The following DOCK11 variants were observed in gnomAD, a reference collection of about 807,000 sequenced individuals.
The protein encoded by DOCK11 is dedicator of cytokinesis 11.
DOCK11 carries 70 observed loss-of-function variants against 169.1 expected under a neutral mutation model. The observed-to-expected ratio is 0.41, with a 90% CI of 0.34 to 0.51. The LOEUF is 0.51. Among genes scored for constraint, DOCK11 ranks in the 20% least tolerant of loss-of-function variants. The pLI is 0.10. For synonymous variants in DOCK11, 529 were observed against 541.3 expected, an observed-to-expected ratio of 0.98 and a Z score of 0.32; for missense variants, 1,166 against 1,538.8, an observed-to-expected ratio of 0.76 and a Z score of 4.05.
chrX:118,685,116 T>TA (rs2016830169), intron 52 of DOCK11, among the ~76,000 whole-genome samples: 1 of 112,475 alleles, frequency 8.9e-6, no homozygotes, highest in African/African-American at 3.2e-5. Context: ...TTTATATACT[T>TA]ACTGGAATAC....
chrX:118,571,292 G>A (rs767983053), intron 10 of DOCK11, among the ~76,000 whole-genome samples: 2 of 110,615 alleles, frequency 1.8e-5, no homozygotes, highest in African/African-American at 3.3e-5. Context: ...TGTATTTCAC[G>A]ACTAAGTTCA....
At chrX:118,541,708 G>A (rs181964461) in intron 1 of DOCK11, among the ~76,000 whole-genome samples, 1 of 112,134 alleles carries the variant, frequency 8.9e-6, no homozygotes, top group East Asian at 2.8e-4. Context: ...TTAGCACAGT[G>A]CCTGGCATAT....
At chrX:118,516,158 TCTCGA>T (rs2057686317) in intron 1 of DOCK11, among the ~76,000 whole-genome samples, 1 of 91,149 alleles carries the variant, frequency 1.1e-5, no homozygotes, top group Non-Finnish European at 2.1e-5. Context: ...AGTGGCATGA[TCTCGA>T]CTCACTGCAA....
At chrX:118,667,343 C>T (rs1017945256) in intron 45 of DOCK11, among the ~76,000 whole-genome samples, 7 of 110,386 alleles carry the variant, frequency 6.3e-5, no homozygotes, top group African/African-American at 2.0e-4. Flanking sequence ...AACTTGTTTC[C>T]GAGTTTTGTT....
At chrX:118,622,354 T>A (rs2014995509) in intron 31 of DOCK11, among the ~76,000 whole-genome samples, 1 of 112,535 alleles carries the variant, frequency 8.9e-6, no homozygotes, top group African/African-American at 3.2e-5. Flanking sequence ...TACCGCATTT[T>A]AAAAAGTAGC....
At chrX:118,650,173 G>C (rs1047309146) in intron 41 of DOCK11, among the ~76,000 whole-genome samples, 2 of 111,659 alleles carry the variant, frequency 1.8e-5, no homozygotes, top group African/African-American at 3.3e-5. Flanking sequence ...GACTGAACCT[G>C]TTCCCTTATT....
chrX:118,680,227 A>G (rs1283430949), intron 48 of DOCK11, among the ~76,000 whole-genome samples: 1 of 110,458 alleles, frequency 9.1e-6, no homozygotes, highest in East Asian at 2.8e-4. Context: ...GTGCCTGGCC[A>G]ATTACAGTAA....
chrX:118,625,674 C>T (rs2015085790), intron 32 of DOCK11, among the ~76,000 whole-genome samples: 1 of 111,853 alleles, frequency 8.9e-6, no homozygotes, highest in Non-Finnish European at 1.9e-5. Context: ...TCTCTACTTC[C>T]AAGATATTAG....
intron 1 of DOCK11, among the ~76,000 whole-genome samples, chrX:118,540,194 T>G (rs1172958439): frequency 9.0e-6 from 1 of 111,462 alleles, no homozygotes; most frequent in Non-Finnish European, 1.9e-5. Context: ...TTCAACAGGT[T>G]AAAACATTGA....
chrX:118,629,661 T>G (rs1253004332), intron 34 of DOCK11, among the ~76,000 whole-genome samples: 1 of 110,143 alleles, frequency 9.1e-6, no homozygotes, highest in Non-Finnish European at 1.9e-5. Context: ...TTATTTATAG[T>G]TTTTAGAAAT....
intron 1 of DOCK11, among the ~76,000 whole-genome samples, chrX:118,498,845 A>C (rs1265233389): frequency 1.8e-5 from 2 of 111,144 alleles, no homozygotes; most frequent in African/African-American, 3.3e-5. Flanking sequence ...TGTTTGAAAA[A>C]TTCAGATGGC....
intron 7 of DOCK11, among the ~76,000 whole-genome samples, chrX:118,562,165 CAA>C (rs759661279): frequency 5.3e-5 from 4 of 75,199 alleles, no homozygotes; most frequent in African/African-American, 9.7e-5. Context: ...GACTCCATCA[CAA>C]AAAAAAAAAA....
intron 40 of DOCK11, among the ~76,000 whole-genome samples, chrX:118,648,006 ATAATAT>A (rs2015808095): frequency 2.6e-5 from 1 of 37,866 alleles, no homozygotes; most frequent in Non-Finnish European, 4.2e-5. Flanking sequence ...ATATATTATT[ATAATAT>A]ATAATATAAA....
At chrX:118,633,333 T>C (rs1389440040) in intron 35 of DOCK11, 2 of 112,088 alleles carry the variant, frequency 1.8e-5, no homozygotes, top group Non-Finnish European at 3.8e-5. Flanking sequence ...TCCTCTAAAG[T>C]TTCCAGTAAA....
chrX:118,627,557 T>A lies in DOCK11; in HGVS notation c.3642T>A (p.Ser1214Arg). 2.5e-6 allele frequency: 3 copies of A among 1,209,018 alleles called. No homozygotes were observed. The highest frequency in any genetic ancestry group is 3.4e-6 in the Non-Finnish European group (3 of 893,587). ...TTACTTCACCTGCCAATAGAGGGAG[T>A]CTGAGCACTGACAAAGACACCGGTA... ...CGFTSPANRGSLSTDKDTAYG... is the reference protein window; with the variant it reads ...CGFTSPANRGRLSTDKDTAYG... The change falls in exon 33 of 53, where the codon AGT (serine) becomes AGA (arginine). Residue 1214 changes from serine to arginine, a missense_variant. Physicochemically the swap from Ser to Arg is moderately radical, Grantham distance 110. Coordinates refer to ENST00000276202, the MANE Select transcript of DOCK11 (RefSeq NM_144658.4).
chrX:118,684,884 G>C (rs1319797749), intron 52 of DOCK11, among the ~76,000 whole-genome samples: 1 of 111,690 alleles, frequency 9.0e-6, no homozygotes, highest in Admixed American at 9.6e-5. Flanking sequence ...TGCCACTATA[G>C]ATCAATCTGT....
At chrX:118,681,589 A>T (rs1344368860) in intron 50 of DOCK11, 105 bp from the exon 51 acceptor site, 3 of 550,097 alleles carry the variant, frequency 5.5e-6, no homozygotes, top group Non-Finnish European at 8.4e-6. Context: ...TCAGATATGG[A>T]TTTCTTGTAT....
chrX:118,541,636 A>G (rs1324330885), intron 1 of DOCK11, among the ~76,000 whole-genome samples: 1 of 112,236 alleles, frequency 8.9e-6, no homozygotes, highest in African/African-American at 3.2e-5. Flanking sequence ...TAAAATGGGG[A>G]TAATGATTCA....
rs1355397867 is a variant in DOCK11, at chrX:118,661,470, T to TA, written c.4970-1213dup. Among the ~76,000 whole-genome samples the TA allele has an allele frequency of 4.5e-5, 5 of 110,692 alleles. No homozygotes were observed. In the East Asian group the frequency reaches 1.4e-3, roughly 31 times the overall value. ...TCAACATGAGGTCTGATTTTTTTTTTAAACCTTCCTTCTTCCTTCCCCAAC... is the reference window on the plus strand; with the variant it reads ...TCAACATGAGGTCTGATTTTTTTTTTAAAACCTTCCTTCTTCCTTCCCCAAC... On this transcript the variant is annotated intron_variant, in intron 44 of 52. Transcript: ENST00000276202.
Sources: allele counts gnomAD v4.1 joint callset (sites outside exome capture counted in the v4.1 genomes callset), GRCh38; gene constraint gnomAD v4.1.1; transcripts MANE v1.5; gene names NCBI Gene and HGNC (gene_info 2026-07-23, HGNC 2026-07-21).